The following DISC1 variants were observed in gnomAD, a reference collection of about 807,000 sequenced individuals.
DISC1 encodes DISC1 scaffold protein.
A neutral mutation model predicts 84.5 loss-of-function variants in DISC1; 57 were observed. The ratio of observed to expected loss-of-function variants is 0.67; its 90% confidence interval spans 0.55 to 0.84. The LOEUF is 0.84. Among genes scored for constraint, DISC1 ranks in the 40% least tolerant of loss-of-function variants. The pLI is 0.00. For missense variants in DISC1, 1,000 were observed against 1,057.8 expected (o/e 0.95, Z 0.76); for synonymous variants, 411 against 415.2 (o/e 0.99, Z 0.12).
chr1:231,829,469 A>G (rs140003095), intron 9 of DISC1, among the ~76,000 whole-genome samples: 3,166 of 152,146 alleles, frequency 0.021, 102 homozygotes, highest in African/African-American at 0.071. Flanking sequence ...GGCTCAAGCA[A>G]TCCTCCCATC....
intron 10 of DISC1, among the ~76,000 whole-genome samples, chr1:231,996,135 T>G (rs1001525094): frequency 5.9e-5 from 9 of 152,246 alleles, no homozygotes; most frequent in African/African-American, 2.2e-4. Context: ...TGCATAAATG[T>G]CTTCTTTTGA....
intron 4 of DISC1, among the ~76,000 whole-genome samples, chr1:231,759,646 T>C (rs2075474929): frequency 6.6e-6 from 1 of 151,856 alleles, no homozygotes; most frequent in African/African-American, 2.4e-5. Flanking sequence ...TTTGGGGCTG[T>C]AGCAAGCTAT....
chr1:231,771,489 A>G, intron 6 of DISC1: 1 of 985,460 alleles, frequency 1.0e-6, no homozygotes, highest in African/African-American at 1.7e-5. Context: ...ACCCAATGGC[A>G]AAGTTCCCAT....
At chr1:231,628,243 G>A (rs1020613609) in intron 1 of DISC1, among the ~76,000 whole-genome samples, 2 of 152,214 alleles carry the variant, frequency 1.3e-5, no homozygotes, top group Non-Finnish European at 2.9e-5. Flanking sequence ...CCGTGGACAA[G>A]ATACCCGCTT....
intron 9 of DISC1, among the ~76,000 whole-genome samples, chr1:231,950,958 A>G (rs967166079): frequency 1.3e-5 from 2 of 152,108 alleles, no homozygotes; most frequent in African/African-American, 2.4e-5. Flanking sequence ...ATGGGGCAGA[A>G]CTCTCTGAGG....
chr1:231,944,539 A>G lies in DISC1; in HGVS notation c.1982-14289A>G, dbSNP rs189320717. Among the ~76,000 whole-genome samples, 26 of 152,252 alleles carry G rather than the reference A, an allele frequency of 1.7e-4. No individual in the cohort carries two copies. In the East Asian group the frequency reaches 5.0e-3, roughly 29 times the overall value. ...CCGTGCAATCCTGCCTCTTCTCTGC[A>G]CTTTCACAGGTGGTAAGCAGAAGAG... On this transcript the variant is annotated intron_variant, in intron 9 of 12. Transcript: ENST00000439617.
Position 231,678,978 on chromosome 1 carries a change from G to A in DISC1, c.68-14848G>A, listed in dbSNP as rs185714842. Among the ~76,000 whole-genome samples the A allele has an allele frequency of 1.8e-4, 27 of 152,282 alleles. 1 individual carries two copies. Among genetic ancestry groups the A allele is most frequent in the Admixed American group, 1.5e-3 (23 of 15,296 alleles). On this transcript the variant is annotated intron_variant, in intron 1 of 12. Coordinates refer to ENST00000439617, the MANE Select transcript of DISC1 (RefSeq NM_018662.3). ...GGCATGAGCCACCGCGCCCGGCCAC[G>A]TTGCTCTGTCTCTTAATAGTCTTGT...
At chr1:231,950,017 A>C (rs2126155715) in intron 9 of DISC1, among the ~76,000 whole-genome samples, 1 of 152,328 alleles carries the variant, frequency 6.6e-6, no homozygotes. Flanking sequence ...ATTAAACAAA[A>C]TAATGATGCA....
At chr1:231,735,759 C>G (rs1184728626) in intron 3 of DISC1, among the ~76,000 whole-genome samples, 1 of 152,176 alleles carries the variant, frequency 6.6e-6, no homozygotes, top group Non-Finnish European at 1.5e-5. Context: ...AAAATTGTTG[C>G]TATTTTCTAT....
At chr1:231,835,449 C>T (rs35854747) in intron 9 of DISC1, among the ~76,000 whole-genome samples, 47,877 of 151,858 alleles carry the variant, frequency 0.32, 7,659 homozygotes, top group East Asian at 0.39. Context: ...TCACAAGGTG[C>T]TCAGTAGGGG....
chr1:231,990,607 C>A (rs542440156), intron 10 of DISC1, among the ~76,000 whole-genome samples: 1 of 152,174 alleles, frequency 6.6e-6, no homozygotes, highest in African/African-American at 2.4e-5. Flanking sequence ...ACTTCCCTCT[C>A]GCCTTTCCGT....
intron 9 of DISC1, among the ~76,000 whole-genome samples, chr1:231,882,142 C>T (rs199973445): frequency 4.6e-5 from 7 of 152,258 alleles, no homozygotes; most frequent in African/African-American, 9.6e-5. Flanking sequence ...ATGGGCATAG[C>T]GATTGTTAAC....
intron 3 of DISC1, chr1:231,723,646 A>C (rs1248450409): frequency 2.3e-5 from 23 of 985,316 alleles, no homozygotes; most frequent in Non-Finnish European, 2.7e-5. Flanking sequence ...TTTTTGTCTC[A>C]TCAATTGGAT....
At chr1:231,732,978 GTGA>G (rs2071743851) in intron 3 of DISC1, among the ~76,000 whole-genome samples, 1 of 151,998 alleles carries the variant, frequency 6.6e-6, no homozygotes, top group Non-Finnish European at 1.5e-5. Flanking sequence ...AGTGGTGGTG[GTGA>G]TGATAGGAGT....
intron 6 of DISC1, among the ~76,000 whole-genome samples, chr1:231,773,665 T>C (rs1201662017): frequency 1.3e-5 from 2 of 152,174 alleles, no homozygotes; most frequent in African/African-American, 4.8e-5. Context: ...ATTACAGGCG[T>C]GAGCCACTGC....
At chr1:232,011,631 A>G (rs1668024439) in intron 11 of DISC1, among the ~76,000 whole-genome samples, 1 of 152,060 alleles carries the variant, frequency 6.6e-6, no homozygotes, top group South Asian at 2.1e-4. Context: ...AACAGGAAGG[A>G]ATTTGGTGCG....
intron 9 of DISC1, among the ~76,000 whole-genome samples, chr1:231,905,070 A>ATAACTT (rs2088526413): frequency 1.3e-5 from 2 of 152,230 alleles, no homozygotes; most frequent in Non-Finnish European, 2.9e-5. Flanking sequence ...GATGAAAAGA[A>ATAACTT]TAACTTTACA....
intron 12 of DISC1, among the ~76,000 whole-genome samples, chr1:232,034,927 TGG>T (rs1670378033): frequency 1.3e-5 from 2 of 151,870 alleles, no homozygotes; most frequent in Admixed American, 1.3e-4. Context: ...AGGTAAATAT[TGG>T]ATTCTTTCCT....
intron 6 of DISC1, among the ~76,000 whole-genome samples, chr1:231,792,494 C>T (rs200617831): frequency 4.6e-5 from 7 of 152,176 alleles, no homozygotes; most frequent in African/African-American, 7.2e-5. Flanking sequence ...ATTGGGAACA[C>T]CTACTTATAA....
Sources: allele counts gnomAD v4.1 joint callset (sites outside exome capture counted in the v4.1 genomes callset), GRCh38; gene constraint gnomAD v4.1.1; transcripts MANE v1.5; gene names NCBI Gene and HGNC (gene_info 2026-07-23, HGNC 2026-07-21).